The following EYA4 variants were observed in gnomAD, a reference collection of about 807,000 sequenced individuals.
EYA4 encodes the protein protein phosphatase EYA4.
A neutral mutation model predicts 87.9 loss-of-function variants in EYA4; 31 were observed. The observed-to-expected ratio is 0.35, with a 90% CI of 0.27 to 0.48. The LOEUF is 0.48. Among genes scored for constraint, EYA4 ranks in the 20% least tolerant of loss-of-function variants. EYA4 has a pLI of 0.99. For missense variants in EYA4, 678 were observed against 761.4 expected, an observed-to-expected ratio of 0.89 and a Z score of 1.29; for synonymous variants, 263 against 270.6, an observed-to-expected ratio of 0.97 and a Z score of 0.28.
rs111809785 is a variant in EYA4 at position 133,273,225 on chromosome 6, T to C, written c.-65-1491T>C. Among the ~76,000 whole-genome samples the C allele has an allele frequency of 7.2e-3, 1,096 of 151,990 alleles. 9 individuals are homozygous for C. Among genetic ancestry groups the C allele is most frequent in the Middle Eastern group, 0.017 (5 of 294 alleles). ...AGTCCGATTCCCCAAACTGAAGCAC[T>C]TGGAGTCCAGTGTTTGAGGGCAGGA... On this transcript the variant is annotated intron_variant, in intron 1 of 19. Transcript: ENST00000355286.
chr6:133,499,955 C>T (rs1302583197), intron 13 of EYA4, among the ~76,000 whole-genome samples: 1 of 151,734 alleles, frequency 6.6e-6, no homozygotes, highest in Non-Finnish European at 1.5e-5. Context: ...CCCAGTCTCT[C>T]ATTATAATAT....
At chr6:133,307,844 T>C (rs10872404) in intron 2 of EYA4, among the ~76,000 whole-genome samples, 36,486 of 152,074 alleles carry the variant, frequency 0.24, 5,342 homozygotes, top group East Asian at 0.49. Context: ...TGATATGGTT[T>C]GATTGTGTCA....
At chr6:133,295,143 A>G (rs928670646) in intron 2 of EYA4, among the ~76,000 whole-genome samples, 1 of 152,208 alleles carries the variant, frequency 6.6e-6, no homozygotes, top group African/African-American at 2.4e-5. Flanking sequence ...CATGACCAGT[A>G]TAAGTTATAC....
chr6:133,456,684 T>TG, intron 6 of EYA4, 36 bp downstream of exon 6: 1 of 1,248,442 alleles, frequency 8.0e-7, no homozygotes, highest in Non-Finnish European at 1.2e-6. Flanking sequence ...TACGTACACA[T>TG]GGGGGTGCAT....
chr6:133,455,800 CT>C (rs1434745430), intron 5 of EYA4, among the ~76,000 whole-genome samples: 2 of 152,108 alleles, frequency 1.3e-5, no homozygotes, highest in East Asian at 1.9e-4. Context: ...ATGGGTAAAA[CT>C]TTATTCTCAC....
chr6:133,356,789 GTGTA>G (rs1184704768), intron 2 of EYA4, among the ~76,000 whole-genome samples: 229 of 85,522 alleles, frequency 2.7e-3, no homozygotes, highest in African/African-American at 9.8e-3. Flanking sequence ...GTGTGTGTGT[GTGTA>G]TATATATATT....
intron 2 of EYA4, chr6:133,363,312 T>G (rs539286698): frequency 1.3e-5 from 2 of 152,306 alleles, no homozygotes; most frequent in South Asian, 2.1e-4. Flanking sequence ...GGAGCTTCAG[T>G]TCTCTATGAC....
At chr6:133,337,097 A>C (rs973961281) in intron 2 of EYA4, among the ~76,000 whole-genome samples, 6 of 152,170 alleles carry the variant, frequency 3.9e-5, no homozygotes, top group Admixed American at 3.9e-4. Context: ...TCGGCAGCGT[A>C]AATGTGTGTT....
chr6:133,369,394 A>G (rs1785097964), intron 2 of EYA4, among the ~76,000 whole-genome samples: 1 of 152,116 alleles, frequency 6.6e-6, no homozygotes, highest in Admixed American at 6.5e-5. Flanking sequence ...ACTTTATTTT[A>G]TAAAATATAT....
At position 133,456,622 on chromosome 6, in the gene EYA4, G is replaced by C. The variant is rs1793929707; in HGVS notation, c.344G>C (p.Gly115Ala). Residue 115 changes from glycine (G) to alanine (A), a missense_variant, in exon 6 of 20, where the codon GGA (glycine) becomes GCA (alanine). Physicochemically the swap from Gly to Ala is moderately conservative, Grantham distance 60. Coordinates refer to ENST00000355286, the MANE Select transcript of EYA4 (RefSeq NM_004100.5). ...SSETTATTGD[G>A]ALDTFTGSVI... is the part of the protein sequence containing the mutation. ...GAAACCACAGCCACGACTGGAGATG[G>C]AGCGCTTGACACTTTTACTGGGTCA... 5.0e-6 allele frequency: 8 copies of C among 1,613,520 alleles called. No individual in the cohort carries two copies. The highest frequency in any genetic ancestry group is 5.9e-6 in the Non-Finnish European group (7 of 1,179,560).
At chr6:133,412,092 A>C (rs1789292834) in intron 3 of EYA4, among the ~76,000 whole-genome samples, 2 of 152,202 alleles carry the variant, frequency 1.3e-5, no homozygotes, top group African/African-American at 4.8e-5. Context: ...CTTCTGAAAC[A>C]CTTCAAATAC....
intron 3 of EYA4, among the ~76,000 whole-genome samples, chr6:133,437,470 A>G (rs1370817284): frequency 6.6e-6 from 1 of 152,174 alleles, no homozygotes; most frequent in Non-Finnish European, 1.5e-5. Context: ...CAATTTCTTC[A>G]TCTGTAAAAT....
intron 11 of EYA4, among the ~76,000 whole-genome samples, chr6:133,477,906 A>C (rs1177460981): frequency 6.6e-6 from 1 of 152,078 alleles, no homozygotes; most frequent in Non-Finnish European, 1.5e-5. Context: ...CAATAAGAAA[A>C]AGACAAACAG....
chr6:133,448,250 C>T (rs1053717241), intron 5 of EYA4, 71 bp downstream of exon 5: 23 of 1,091,656 alleles, frequency 2.1e-5, no homozygotes, highest in Middle Eastern at 3.9e-4. Context: ...CTGTCTGTTG[C>T]TATGTCTATG....
chr6:133,303,839 G>A (rs551930465), intron 2 of EYA4, among the ~76,000 whole-genome samples: 54 of 152,122 alleles, frequency 3.5e-4, no homozygotes, highest in African/African-American at 9.4e-4. Flanking sequence ...CCATGGTTCC[G>A]TTAGTACTTT....
chr6:133,332,145 G>C (rs1782014167), intron 2 of EYA4, among the ~76,000 whole-genome samples: 1 of 152,166 alleles, frequency 6.6e-6, no homozygotes, highest in Non-Finnish European at 1.5e-5. Flanking sequence ...AATTCTTGTG[G>C]CTTCTCCTTT....
chr6:133,415,864 A>AAACAGC (rs1164806445), intron 3 of EYA4, among the ~76,000 whole-genome samples: 2 of 152,222 alleles, frequency 1.3e-5, no homozygotes, highest in African/African-American at 4.8e-5. Context: ...AACAAGTATA[A>AAACAGC]AACAGCGTGG....
At chr6:133,410,148 T>C (rs1195922683) in intron 3 of EYA4, among the ~76,000 whole-genome samples, 1 of 152,188 alleles carries the variant, frequency 6.6e-6, no homozygotes, top group Non-Finnish European at 1.5e-5. Context: ...ATTCTGACCA[T>C]GTCCTAAGTG....
At chr6:133,435,087 G>A (rs909727160) in intron 3 of EYA4, 9 of 152,234 alleles carry the variant, frequency 5.9e-5, no homozygotes, top group East Asian at 3.9e-4. Flanking sequence ...TCTGGTTTTC[G>A]GAAACATTTA....
Sources: allele counts gnomAD v4.1 joint callset (sites outside exome capture counted in the v4.1 genomes callset), GRCh38; gene constraint gnomAD v4.1.1; transcripts MANE v1.5; gene names NCBI Gene and HGNC (gene_info 2026-07-23, HGNC 2026-07-21).